SLC25A12: variants seen among roughly 807,000 people sequenced by gnomAD.
SLC25A12 encodes electrogenic aspartate/glutamate antiporter SLC25A12, mitochondrial.
A neutral mutation model predicts 83.3 loss-of-function variants in SLC25A12; 32 were observed. The ratio of observed to expected loss-of-function variants is 0.38; its 90% CI spans 0.29 to 0.52. The LOEUF is 0.52. Among genes scored for constraint, SLC25A12 ranks in the 20% least tolerant of loss-of-function variants. The probability of loss-of-function intolerance (pLI) is 0.84; values close to 1 mark genes in which losing one functional copy is unlikely to be tolerated. For synonymous variants in SLC25A12, 267 were observed against 291.1 expected (o/e 0.92, Z 0.84); for missense variants, 611 against 835.6 (o/e 0.73, Z 3.31).
At chr2:171,875,483 T>C (rs183594924) in intron 2 of SLC25A12, among the ~76,000 whole-genome samples, 9 of 152,196 alleles carry the variant, frequency 5.9e-5, no homozygotes, top group African/African-American at 1.9e-4. Context: ...CAATAGATAC[T>C]GGGGACTATT....
At position 171,787,382 on chromosome 2, in the gene SLC25A12, C is replaced by T. The variant is rs189099469; in HGVS notation, c.1835+189G>A. Among the ~76,000 whole-genome samples the T allele has an allele frequency of 6.2e-4, 95 of 152,310 alleles. No individual in the cohort carries two copies. The South Asian group carries it at 0.01, about 16-fold the overall frequency. On this transcript the variant is annotated intron_variant, in intron 17 of 17. Coordinates refer to ENST00000422440, the MANE Select transcript of SLC25A12 (RefSeq NM_003705.5). Reference sequence around the variant, plus strand: ...CCAAATAGCTGCTTAATATTATGTACGATGTCACTCTGTCAAGTTTTACTT... The same window carrying T: ...CCAAATAGCTGCTTAATATTATGTATGATGTCACTCTGTCAAGTTTTACTT...
chr2:171,836,248 T>C (rs912263931), intron 6 of SLC25A12, among the ~76,000 whole-genome samples: 1 of 152,146 alleles, frequency 6.6e-6, no homozygotes, highest in Admixed American at 6.5e-5. Flanking sequence ...AAGTTGATCT[T>C]TCTACCCCAG....
intron 2 of SLC25A12, among the ~76,000 whole-genome samples, chr2:171,888,094 CTTTTTTT>C (rs1194293544): frequency 7.3e-5 from 10 of 137,094 alleles, no homozygotes; most frequent in African/African-American, 1.9e-4. Context: ...TTCTTTTTTC[CTTTTTTT>C]TTTTTTTTTT....
intron 3 of SLC25A12, among the ~76,000 whole-genome samples, chr2:171,864,268 T>C (rs553774357): frequency 6.6e-6 from 1 of 152,362 alleles, no homozygotes; most frequent in South Asian, 2.1e-4. Context: ...CTTGGAGATG[T>C]AGACTGAAAC....
chr2:171,872,388 T>C (rs6736159), intron 2 of SLC25A12, among the ~76,000 whole-genome samples: 117,346 of 152,136 alleles, frequency 0.77, 46,317 homozygotes, highest in East Asian at 0.89. Flanking sequence ...TTTTCTTCCT[T>C]ATTCTTAATA....
chr2:171,797,530 T>G (rs766630985), intron 13 of SLC25A12, among the ~76,000 whole-genome samples: 1 of 152,214 alleles, frequency 6.6e-6, no homozygotes, highest in Non-Finnish European at 1.5e-5. Context: ...TTTCAAAACA[T>G]ATGAATGTAT....
rs115772334 is a variant in SLC25A12 at position 171,873,678 on chromosome 2, A to T, written c.67-4855T>A. On this transcript the variant is annotated intron_variant, in intron 2 of 17. Transcript: ENST00000422440. ...CACTCAATTACCCACCCCAGAGGCA[A>T]TCGATTTCTTATGTATCCTTCTAGA... Among the ~76,000 whole-genome samples, 880 of 152,196 alleles carry T rather than the reference A, an allele frequency of 5.8e-3. 6 individuals carry two copies. Among genetic ancestry groups the T allele is most frequent in the African/African-American group, 0.018 (745 of 41,512 alleles).
intron 15 of SLC25A12, among the ~76,000 whole-genome samples, chr2:171,789,501 T>C (rs974355244): frequency 1.2e-4 from 18 of 152,272 alleles, no homozygotes; most frequent in Non-Finnish European, 1.8e-4. Context: ...GTGCTGGGAT[T>C]ACAGGAATGA....
intron 13 of SLC25A12, among the ~76,000 whole-genome samples, chr2:171,808,810 T>C (rs1311249867): frequency 2.0e-5 from 3 of 152,168 alleles, no homozygotes; most frequent in Non-Finnish European, 4.4e-5. Flanking sequence ...AACTCATCAT[T>C]TACATTAGGT....
chr2:171,819,466 TA>T (rs1684138333), intron 9 of SLC25A12, among the ~76,000 whole-genome samples: 2 of 134,548 alleles, frequency 1.5e-5, no homozygotes, highest in Admixed American at 1.7e-4. Context: ...TTATATATTA[TA>T]TATATTAATA....
chr2:171,801,093 A>T (rs1683700414), intron 13 of SLC25A12, among the ~76,000 whole-genome samples: 1 of 152,208 alleles, frequency 6.6e-6, no homozygotes, highest in Non-Finnish European at 1.5e-5. Flanking sequence ...TGTTAATTAT[A>T]CCTAAAAAAC....
chr2:171,867,722 G>A (rs1174372938), intron 3 of SLC25A12, among the ~76,000 whole-genome samples: 1 of 152,198 alleles, frequency 6.6e-6, no homozygotes, highest in Non-Finnish European at 1.5e-5. Context: ...TACCCTACAA[G>A]ATGCTTTAAA....
Position 171,785,070 on chromosome 2 carries a change from A to C in SLC25A12, c.*204T>G. On this transcript the variant is annotated 3_prime_UTR_variant, in exon 18 of 18. Transcript: ENST00000422440. ...GCTTACAAAAACATTTCAACACATA[A>C]GACTAAAGCTTGAAACAGCGTTGTG... The C allele has an allele frequency of 1.8e-6, 1 of 558,892 alleles. No homozygotes were observed. Among genetic ancestry groups the C allele is most frequent in the South Asian group, 1.9e-5 (1 of 51,650 alleles). The allele number at this position is 558,892 out of a possible 1,614,324, so 34.6% of individuals were successfully genotyped here. A position where few individuals can be genotyped will look rare whatever the true frequency, so the allele number is the denominator to read the frequency against.
chr2:171,857,323 A>AT (rs1324872078), intron 3 of SLC25A12, among the ~76,000 whole-genome samples: 8 of 152,180 alleles, frequency 5.3e-5, no homozygotes, highest in Non-Finnish European at 2.9e-5. Flanking sequence ...ATAAGCCATG[A>AT]TCATGCTACC....
chr2:171,793,660 C>A lies in SLC25A12; in HGVS notation c.1413G>T (p.Val471=). The A allele has an allele frequency of 6.2e-7, 1 of 1,614,142 alleles. No individual in the cohort carries two copies. Among genetic ancestry groups the A allele is most frequent in the Non-Finnish European group, 8.5e-7 (1 of 1,180,028 alleles). ...TTGPRVSALN[V]LRDLGIFGLY... is the part of the protein sequence containing the mutation. The stretch of plus-strand genomic sequence containing the variant: ...GACCAAAAATTCCCAAGTCCCGGAG[C>A]ACATTCAGGGCGCTGACTCTGGGTC... Residue 471 remains valine, a synonymous_variant, in exon 14 of 18, where the codon GTG becomes GTT. Coordinates refer to ENST00000422440, the MANE Select transcript of SLC25A12 (RefSeq NM_003705.5).
At position 171,841,326 on chromosome 2, in the gene SLC25A12, C is replaced by T. The variant is rs570124194; in HGVS notation, c.465+3043G>A. On this transcript the variant is annotated intron_variant, in intron 5 of 17. Coordinates refer to ENST00000422440, the MANE Select transcript of SLC25A12 (RefSeq NM_003705.5). The stretch of plus-strand genomic sequence containing the variant: ...AACTCCTGACCTCAAGTGATCAGCC[C>T]GCCTTGGCCCCCCAAAGTGCTGGGA... Among the ~76,000 whole-genome samples, 6 of 152,168 alleles carry T rather than the reference C, an allele frequency of 3.9e-5. No individual in the cohort carries two copies. In the South Asian group the frequency reaches 8.3e-4, roughly 21 times the overall value.
chr2:171,789,519 A>T (rs1213836880), intron 15 of SLC25A12, among the ~76,000 whole-genome samples: 1 of 152,130 alleles, frequency 6.6e-6, no homozygotes, highest in Non-Finnish European at 1.5e-5. Flanking sequence ...TGAGCCACCA[A>T]GCTCGGCCTC....
At chr2:171,808,698 CTCTT>C (rs1364310668) in intron 13 of SLC25A12, among the ~76,000 whole-genome samples, 1 of 152,196 alleles carries the variant, frequency 6.6e-6, no homozygotes, top group East Asian at 1.9e-4. Flanking sequence ...AAAATGCCAC[CTCTT>C]TTTTTGTTAT....
intron 2 of SLC25A12, among the ~76,000 whole-genome samples, chr2:171,874,177 G>T (rs1685515376): frequency 6.6e-6 from 1 of 152,156 alleles, no homozygotes; most frequent in Non-Finnish European, 1.5e-5. Context: ...GGTGAGCCGA[G>T]ATCGCACCAT....
Sources: gnomAD v4.1 joint callset for allele counts (sites outside exome capture counted in the v4.1 genomes callset) on GRCh38, gnomAD v4.1.1 for gene constraint, MANE v1.5 for transcripts, NCBI Gene and HGNC (gene_info 2026-07-23, HGNC 2026-07-21) for gene names.